Variants in NYAP2 observed in about 807,000 individuals in gnomAD.
NYAP2 encodes neuronal tyrosine-phosphorylated phosphoinositide-3-kinase adapter 2.
Under a neutral mutation model 50.4 loss-of-function variants are expected in NYAP2, and 23 were observed. The ratio of observed to expected loss-of-function variants is 0.46; its 90% CI spans 0.33 to 0.65. The LOEUF (loss-of-function observed/expected upper bound fraction) is 0.65, where lower values mean the gene tolerates loss of function less well. Among genes scored for constraint, NYAP2 ranks in the 30% least tolerant of loss-of-function variants. The pLI is 0.02. For synonymous variants in NYAP2, 394 were observed against 365.2 expected (o/e 1.08, Z -0.90); for missense variants, 885 against 861.0 (o/e 1.03, Z -0.35).
chr2:225,430,578 C>T (rs1695351586), intron 3 of NYAP2, among the ~76,000 whole-genome samples: 2 of 152,186 alleles, frequency 1.3e-5, no homozygotes, highest in Non-Finnish European at 2.9e-5. Flanking sequence ...TATATTAACT[C>T]ACACCCCACC....
At chr2:225,421,850 T>G (rs1486065762) in intron 3 of NYAP2, among the ~76,000 whole-genome samples, 1 of 152,226 alleles carries the variant, frequency 6.6e-6, no homozygotes, top group Non-Finnish European at 1.5e-5. Context: ...TAGCATATTT[T>G]CTTTAGAAAG....
In NYAP2 at chr2:225,499,146, A is replaced by G. The variant is rs116019692; in HGVS notation, c.222-14225A>G. Among the ~76,000 whole-genome samples the G allele has an allele frequency of 4.0e-3, 604 of 152,308 alleles. 2 individuals are homozygous for G. The highest frequency in any genetic ancestry group is 0.014 in the African/African-American group (584 of 41,554). The stretch of plus-strand genomic sequence containing the variant: ...GAAGTCAGTGGAAATACCAAGTAGG[A>G]CAAATTGGAAAAATGTAAAAGCAGG... On this transcript the variant is annotated intron_variant, in intron 3 of 6. Transcript: ENST00000636099.
chr2:225,513,656 C>T (rs1345738068), exon 4 of NYAP2: 4 of 1,512,080 alleles, frequency 2.6e-6, no homozygotes, highest in Non-Finnish European at 2.7e-6. Flanking sequence ...GCGGGAAAAC[C>T]CCTGAGAGGA....
At chr2:225,558,452 A>T (rs901690394) in intron 4 of NYAP2, among the ~76,000 whole-genome samples, 14 of 151,950 alleles carry the variant, frequency 9.2e-5, no homozygotes, top group Admixed American at 6.6e-4. Context: ...TTGGTTTATG[A>T]CCCCCGTCCT....
chr2:225,602,236 A>G (rs1388094809), intron 5 of NYAP2, among the ~76,000 whole-genome samples: 1 of 152,192 alleles, frequency 6.6e-6, no homozygotes, highest in Admixed American at 6.5e-5. Flanking sequence ...GGGACCAATC[A>G]GGGGCTGAAG....
chr2:225,624,884 A>G (rs1359097857), intron 5 of NYAP2, among the ~76,000 whole-genome samples: 2 of 151,906 alleles, frequency 1.3e-5, no homozygotes, highest in Non-Finnish European at 2.9e-5. Context: ...GGTCACAGCC[A>G]CAGTTGCAAA....
At chr2:225,540,228 G>C (rs892783828) in intron 4 of NYAP2, among the ~76,000 whole-genome samples, 1 of 152,092 alleles carries the variant, frequency 6.6e-6, no homozygotes, top group Admixed American at 6.5e-5. Context: ...TTCCAAAGTC[G>C]CTTCCACTTA....
the NYAP2 span, among the ~76,000 whole-genome samples, chr2:225,693,482 T>C: frequency 4.6e-5 from 7 of 152,038 alleles, no homozygotes; most frequent in Non-Finnish European, 8.8e-5. Context: ...GCCAGGTTTC[T>C]TGTCCGTTTG....
intron 3 of NYAP2, among the ~76,000 whole-genome samples, chr2:225,411,103 A>G (rs1013550755): frequency 2.0e-5 from 3 of 152,134 alleles, no homozygotes; most frequent in African/African-American, 7.2e-5. Flanking sequence ...TTTAAGTCCT[A>G]CTTGAGTATA....
At chr2:225,637,294 C>T (rs1031900739) in intron 6 of NYAP2, among the ~76,000 whole-genome samples, 16 of 152,118 alleles carry the variant, frequency 1.1e-4, no homozygotes, top group African/African-American at 3.9e-4. Context: ...TGTTACGCAA[C>T]AGGAACAGCA....
At chr2:225,689,462 G>A in the NYAP2 span, among the ~76,000 whole-genome samples, 1 of 152,116 alleles carries the variant, frequency 6.6e-6, no homozygotes, top group African/African-American at 2.4e-5. Flanking sequence ...ATCAGAGACT[G>A]TACATCACAG....
At chr2:225,546,314 C>T (rs544805275) in intron 4 of NYAP2, among the ~76,000 whole-genome samples, 2 of 152,238 alleles carry the variant, frequency 1.3e-5, no homozygotes, top group South Asian at 2.1e-4. Flanking sequence ...AGATGCCACA[C>T]GGGAGCCAAA....
At chr2:225,492,382 A>G (rs1400205363) in intron 3 of NYAP2, among the ~76,000 whole-genome samples, 1 of 152,102 alleles carries the variant, frequency 6.6e-6, no homozygotes, top group Non-Finnish European at 1.5e-5. Flanking sequence ...TTCACAACCA[A>G]CTCAGTTCCA....
chr2:225,416,404 G>A (rs1303439534), intron 3 of NYAP2, among the ~76,000 whole-genome samples: 2 of 151,942 alleles, frequency 1.3e-5, no homozygotes, highest in South Asian at 2.1e-4. Flanking sequence ...TTTTTTCAAT[G>A]CTCATGGGAA....
At chr2:225,660,099 T>C in the NYAP2 span, among the ~76,000 whole-genome samples, 5 of 152,182 alleles carry the variant, frequency 3.3e-5, no homozygotes, top group African/African-American at 9.7e-5. Context: ...CTGGGGCAAA[T>C]TGATTTCCCC....
chr2:225,438,097 A>G (rs1375922024), intron 3 of NYAP2, among the ~76,000 whole-genome samples: 6 of 152,148 alleles, frequency 3.9e-5, no homozygotes, highest in Non-Finnish European at 5.9e-5. Context: ...ACAAGGTTAG[A>G]TGTTGAGTAT....
chr2:225,670,605 CA>C, the NYAP2 span, among the ~76,000 whole-genome samples: 40,073 of 78,278 alleles, frequency 0.51, 6,179 homozygotes, highest in African/African-American at 0.56. Flanking sequence ...CAGTATTTTC[CA>C]AAAAAAAAAA....
chr2:225,618,073 G>C (rs1269199684), intron 5 of NYAP2, among the ~76,000 whole-genome samples: 2 of 152,180 alleles, frequency 1.3e-5, no homozygotes, highest in Non-Finnish European at 2.9e-5. Flanking sequence ...AAGGCATAGG[G>C]TGGCCCATCA....
chr2:225,415,161 G>A (rs1695103261), intron 3 of NYAP2, among the ~76,000 whole-genome samples: 1 of 151,976 alleles, frequency 6.6e-6, no homozygotes, highest in African/African-American at 2.4e-5. Flanking sequence ...CTCTTTAAAA[G>A]TGACAGAAAT....
Sources: allele counts gnomAD v4.1 joint callset (sites outside exome capture counted in the v4.1 genomes callset), GRCh38; gene constraint gnomAD v4.1.1; transcripts MANE v1.5; gene names NCBI Gene and HGNC (gene_info 2026-07-23, HGNC 2026-07-21).